CEP78: variants seen among roughly 807,000 people sequenced by gnomAD.
CEP78 encodes the protein centrosomal protein of 78 kDa.
CEP78 carries 76 observed loss-of-function variants against 81.2 expected under a neutral mutation model. The ratio of observed to expected loss-of-function variants is 0.94; its 90% confidence interval spans 0.78 to 1.13. The LOEUF is 1.13. Among genes scored for constraint, CEP78 ranks in the 50% most tolerant of loss-of-function variants. The probability of loss-of-function intolerance (pLI) is 0.00; values close to 1 mark genes in which losing one functional copy is unlikely to be tolerated. For missense variants in CEP78, 918 were observed against 846.8 expected, an observed-to-expected ratio of 1.08 and a Z score of -1.04; for synonymous variants, 293 against 301.4, an observed-to-expected ratio of 0.97 and a Z score of 0.29.
intron 9 of CEP78, 75 bp downstream of exon 9, chr9:78,252,118 G>A (rs1360283689): frequency 1.5e-6 from 2 of 1,316,132 alleles, no homozygotes. Flanking sequence ...CTTCTATTAT[G>A]TGAGAGTTCT....
chr9:78,260,840 A>G (rs548143138), intron 11 of CEP78, among the ~76,000 whole-genome samples: 1 of 152,276 alleles, frequency 6.6e-6, no homozygotes, highest in South Asian at 2.1e-4. Context: ...ATCCTCCAGC[A>G]TATACCCAAA....
At chr9:78,246,493 A>T (rs554364339) in intron 5 of CEP78, among the ~76,000 whole-genome samples, 176 bp from the exon 6 acceptor site, 238 of 152,314 alleles carry the variant, frequency 1.6e-3, no homozygotes, top group Middle Eastern at 3.4e-3. Context: ...CCAGCTACTC[A>T]GGTGGCTGAG....
rs1461387080 is a variant in CEP78 at position 78,252,021 on chromosome 9, G to A, written c.1183G>A (p.Ala395Thr). Residue 395 changes from alanine to threonine, a missense_variant, in exon 9 of 17, where the codon GCA becomes ACA. Transcript: ENST00000643273. ...GTCTGGTTTCTTGCCGTGGCGTACT[G>A]CAGAACGTGCAAAAAGACACAGGTA... is the stretch of plus-strand genomic sequence containing the variant. ...GVSGFLPWRT[A>T]ERAKRHRGFP... 1.9e-6 allele frequency: 3 copies of A among 1,594,848 alleles called. No individual in the cohort carries two copies. Among genetic ancestry groups the A allele is most frequent in the Non-Finnish European group, 2.6e-6 (3 of 1,166,340 alleles).
intron 16 of CEP78, among the ~76,000 whole-genome samples, chr9:78,267,940 C>G (rs140382204): frequency 2.5e-3 from 382 of 152,116 alleles, no homozygotes; most frequent in African/African-American, 9.0e-3. Context: ...ATCAAAAGGG[C>G]TACTACAATA....
chr9:78,277,541 T>C lies in CEP78; in HGVS notation c.*6690T>C, dbSNP rs1349042189. 3 of 152,196 alleles carry C rather than the reference T, an allele frequency of 2.0e-5. No individual in the cohort carries two copies. Among genetic ancestry groups the C allele is most frequent in the African/African-American group, 7.2e-5 (3 of 41,458 alleles). 9.4% of individuals were successfully genotyped at this position (152,196 alleles called of 1,614,324 possible). ...GAAAATTAAAGTTAAAATGAGATACTATTTTTCAATACATTGAAATGGCAG... is the reference window on the plus strand; with the variant it reads ...GAAAATTAAAGTTAAAATGAGATACCATTTTTCAATACATTGAAATGGCAG... On this transcript the variant is annotated 3_prime_UTR_variant, in exon 17 of 17. Coordinates refer to ENST00000643273, the MANE Select transcript of CEP78 (RefSeq NM_001330691.3).
At chr9:78,241,264 G>A (rs1053551246) in intron 3 of CEP78, among the ~76,000 whole-genome samples, 1 of 152,182 alleles carries the variant, frequency 6.6e-6, no homozygotes, top group African/African-American at 2.4e-5. Context: ...TATTGTTCTA[G>A]TACATTAGGT....
At chr9:78,247,338 AC>A (rs1267139771) in intron 6 of CEP78, among the ~76,000 whole-genome samples, 2 of 152,188 alleles carry the variant, frequency 1.3e-5, no homozygotes, top group African/African-American at 4.8e-5. Flanking sequence ...TTGAACAGAG[AC>A]CTGATTAGGA....
chr9:78,248,412 G>T, intron 7 of CEP78, 57 bp downstream of exon 7: 1 of 1,138,498 alleles, frequency 8.8e-7, no homozygotes, highest in Non-Finnish European at 1.3e-6. Flanking sequence ...TTTCTTCTGG[G>T]ATCTCACTGT....
rs745619126 is a variant in CEP78, at chr9:78,236,407, C to T, written c.57C>T (p.Tyr19=). Residue 19 remains tyrosine, a synonymous_variant, in exon 1 of 17, where the codon TAC becomes TAT. Coordinates refer to ENST00000643273, the MANE Select transcript of CEP78 (RefSeq NM_001330691.3). ...RDSAADFFSH[Y]EYLCALQNSV... The stretch of plus-strand genomic sequence containing the variant: ...GCGCGGCGGACTTCTTCTCCCACTA[C>T]GAGTACCTGTGCGCGCTGCAGAACT... The T allele has an allele frequency of 6.3e-7, 1 of 1,597,930 alleles. No individual in the cohort carries two copies. The highest frequency in any genetic ancestry group is 1.3e-5 in the African/African-American group (1 of 74,770).
rs1827832528 is a variant in CEP78 at position 78,277,737 on chromosome 9, A to G, written c.*6886A>G. 1.3e-5 allele frequency: 2 copies of G among 152,228 alleles called. No individual in the cohort carries two copies. Among genetic ancestry groups the G allele is most frequent in the East Asian group, 1.9e-4 (1 of 5,200 alleles). The allele number at this position is 152,228 out of a possible 1,614,324, so 9.4% of individuals were successfully genotyped here. On this transcript the variant is annotated 3_prime_UTR_variant, in exon 17 of 17. Transcript: ENST00000643273. ...AATTTTAGGCATCCAGCCTGAAGAA[A>G]TATTCACACAAGTGCCCAAAGAGTC...
chr9:78,257,220 G>T (rs1820671838), intron 11 of CEP78, among the ~76,000 whole-genome samples: 1 of 152,062 alleles, frequency 6.6e-6, no homozygotes, highest in Admixed American at 6.6e-5. Context: ...AAAAATACCG[G>T]TCACTTAAAA....
rs1285628099 is a variant in CEP78 at position 78,240,079 on chromosome 9, G to T, written c.310G>T (p.Val104Leu). Residue 104 changes from valine to leucine, a missense_variant, in exon 2 of 17, where the codon GTG becomes TTG. Transcript: ENST00000643273. ...SRVPAIRYKD[V>L]TFQLCKALKG... is the part of the protein sequence containing the mutation. ...TGTTCCTGCGATAAGATACAAAGAT[G>T]TGACCTTCCAGTTGTGTAAAGCTCT... is the stretch of plus-strand genomic sequence containing the variant. The T allele has an allele frequency of 6.3e-7, 1 of 1,585,724 alleles. No individual in the cohort carries two copies. The highest frequency in any genetic ancestry group is 8.5e-7 in the Non-Finnish European group (1 of 1,173,500).
intron 11 of CEP78, among the ~76,000 whole-genome samples, chr9:78,257,152 G>A (rs991793189): frequency 1.3e-5 from 2 of 151,408 alleles, no homozygotes; most frequent in Non-Finnish European, 2.9e-5. Flanking sequence ...ACACATGTAA[G>A]TAGACAGTCT....
At chr9:78,246,315 A>G (rs1826476501) in intron 5 of CEP78, among the ~76,000 whole-genome samples, 1 of 152,126 alleles carries the variant, frequency 6.6e-6, no homozygotes, top group Admixed American at 6.5e-5. Flanking sequence ...TCTGTATAGA[A>G]TTGGCCGGGC....
intron 4 of CEP78, among the ~76,000 whole-genome samples, chr9:78,242,270 C>T (rs563799588): frequency 1.3e-5 from 2 of 152,178 alleles, no homozygotes; most frequent in South Asian, 4.2e-4. Flanking sequence ...ACTATTGCTA[C>T]ACCCTACACT....
intron 6 of CEP78, 91 bp downstream of exon 6, chr9:78,246,873 T>A: frequency 3.0e-6 from 2 of 660,156 alleles, no homozygotes; most frequent in East Asian, 2.9e-5. Context: ...TTAATGTGTT[T>A]CCTTCCCTAA....
At position 78,265,466 on chromosome 9, in the gene CEP78, A is replaced by G. The variant is rs768396394; in HGVS notation, c.1720A>G (p.Lys574Glu). 23 of 1,593,358 alleles carry G rather than the reference A, an allele frequency of 1.4e-5. No individual in the cohort carries two copies. The South Asian group carries it at 2.6e-4, about 18-fold the overall frequency. Reference sequence around the variant, plus strand: ...GACTTCTACTGTTAGTAATCCACCTAAAGAAGAAAAGAAGGCGCTTGAAGA... The same window carrying G: ...GACTTCTACTGTTAGTAATCCACCTGAAGAAGAAAAGAAGGCGCTTGAAGA... ...QMTSTVSNPP[K>E]EEKKALEDEK... The change falls in exon 14 of 17, where the codon AAA becomes GAA. Residue 574 changes from lysine (K) to glutamate (E), a missense_variant. By Grantham distance (56) the Lys-to-Glu change is moderately conservative (BLOSUM62 1). Transcript: ENST00000643273.
intron 1 of CEP78, 130 bp from the exon 2 acceptor site, chr9:78,239,893 T>A: frequency 1.4e-6 from 1 of 708,662 alleles, no homozygotes; most frequent in Non-Finnish European, 2.2e-6. Flanking sequence ...GTGGCTTGAG[T>A]TTACATGTGT....
Position 78,278,570 on chromosome 9 carries a change from T to G in CEP78, c.*7719T>G, listed in dbSNP as rs1827849208. On this transcript the variant is annotated 3_prime_UTR_variant, in exon 17 of 17. Transcript: ENST00000643273. The stretch of plus-strand genomic sequence containing the variant: ...CTTTAAAGAAAATTATGTTGGCAAC[T>G]CACGAAGTATGTTTCACAATCCACT... 3 of 152,236 alleles carry G rather than the reference T, an allele frequency of 2.0e-5. No individual in the cohort carries two copies. 9.4% of individuals were successfully genotyped at this position (152,236 alleles called of 1,614,324 possible).
Sources: gnomAD v4.1 joint callset for allele counts (sites outside exome capture counted in the v4.1 genomes callset) on GRCh38, gnomAD v4.1.1 for gene constraint, MANE v1.5 for transcripts, NCBI Gene and HGNC (gene_info 2026-07-23, HGNC 2026-07-21) for gene names.